The following NRBF2 variants were observed in gnomAD, a reference collection of about 807,000 sequenced individuals.
NRBF2 encodes nuclear receptor binding factor 2, also known as nuclear receptor-binding factor 2.
NRBF2 carries 12 observed loss-of-function variants against 28.5 expected under a neutral mutation model. That is an observed-to-expected ratio of 0.42 (90% CI 0.27 to 0.68). The LOEUF is 0.68. NRBF2 is among the 30% of genes least tolerant of loss of function. The pLI, the probability that NRBF2 is intolerant of heterozygous loss-of-function variation, is 0.24. For missense variants in NRBF2, 274 were observed against 333.5 expected (o/e 0.82, Z 1.39); for synonymous variants, 102 against 116.5 (o/e 0.88, Z 0.80).
At chr10:63,145,101 CT>C (rs34823556) in intron 1 of NRBF2, among the ~76,000 whole-genome samples, 4,265 of 85,896 alleles carry the variant, frequency 0.05, 61 homozygotes, top group African/African-American at 0.18. Flanking sequence ...TATATTAAAG[CT>C]TTTTTTTTTT....
chr10:63,143,832 A>C (rs946635818), intron 1 of NRBF2, among the ~76,000 whole-genome samples: 1 of 148,012 alleles, frequency 6.8e-6, no homozygotes, highest in Admixed American at 6.9e-5. Context: ...AGGTCACTGC[A>C]GCCTCCATTA....
intron 2 of NRBF2, among the ~76,000 whole-genome samples, chr10:63,150,089 C>T (rs1239433646): frequency 6.6e-6 from 1 of 151,520 alleles, no homozygotes; most frequent in South Asian, 2.1e-4. Flanking sequence ...TTACAGGTGC[C>T]TGCCACCACG....
intron 3 of NRBF2, 26 bp from the exon 4 acceptor site, chr10:63,153,485 A>G (rs1841680790): frequency 1.3e-6 from 2 of 1,534,922 alleles, no homozygotes; most frequent in Non-Finnish European, 1.8e-6. Context: ...TATTCTTCCA[A>G]TTTTATCTTT....
chr10:63,136,992 T>C (rs1211226651), intron 1 of NRBF2, among the ~76,000 whole-genome samples: 1 of 152,236 alleles, frequency 6.6e-6, no homozygotes, highest in Non-Finnish European at 1.5e-5. Flanking sequence ...CTTTGCACTC[T>C]GAATAACTTT....
rs370378643 is a variant in NRBF2 at position 63,133,427 on chromosome 10, C to T, written c.-44C>T. On this transcript the variant is annotated 5_prime_UTR_variant, in exon 1 of 4. Transcript: ENST00000277746. ...TTGCAGTCCCCTCCATGTTCCCCGG[C>T]GCCACTACTCCCCTTCCTAAGGCCG... The T allele has an allele frequency of 1.2e-6, 2 of 1,609,546 alleles. No individual in the cohort carries two copies. Among genetic ancestry groups the T allele is most frequent in the Admixed American group, 1.7e-5 (1 of 59,606 alleles).
intron 1 of NRBF2, among the ~76,000 whole-genome samples, chr10:63,144,169 T>C (rs1841522829): frequency 6.6e-6 from 1 of 152,166 alleles, no homozygotes; most frequent in Non-Finnish European, 1.5e-5. Flanking sequence ...GTGCAACAAA[T>C]GTCCAGAATT....
chr10:63,137,268 C>A lies in NRBF2; in HGVS notation c.30+3768C>A, dbSNP rs548111536. ...GGGATTACAGGCATGTGCCACTGTG[C>A]CCAGCCTGTCAGTTTTAAATATGGA... On this transcript the variant is annotated intron_variant, in intron 1 of 3. Transcript: ENST00000277746. 3.3e-5 allele frequency among the ~76,000 whole-genome samples: 5 copies of A among 152,308 alleles called. No individual in the cohort carries two copies. In the East Asian group the frequency reaches 9.6e-4, roughly 29 times the overall value.
intron 1 of NRBF2, among the ~76,000 whole-genome samples, chr10:63,138,278 A>C (rs144277321): frequency 1.3e-4 from 20 of 151,980 alleles, no homozygotes; most frequent in African/African-American, 4.6e-4. Context: ...ACGCCCTTGC[A>C]CTCCAGCCTG....
intron 2 of NRBF2, chr10:63,150,275 C>A: frequency 1.7e-6 from 1 of 597,720 alleles, no homozygotes; most frequent in Non-Finnish European, 2.1e-6. Context: ...TAAACATGAA[C>A]AAAAGGAAAA....
At chr10:63,148,030 A>T (rs1356655397) in intron 2 of NRBF2, among the ~76,000 whole-genome samples, 1 of 152,198 alleles carries the variant, frequency 6.6e-6, no homozygotes, top group Admixed American at 6.5e-5. Flanking sequence ...TTTTATATGG[A>T]TTCCCTAGTG....
intron 1 of NRBF2, among the ~76,000 whole-genome samples, chr10:63,140,976 G>A (rs574564130): frequency 1.3e-5 from 2 of 152,284 alleles, no homozygotes; most frequent in Admixed American, 1.3e-4. Context: ...TGGGATTATA[G>A]ACGTGAGCCT....
intron 1 of NRBF2, among the ~76,000 whole-genome samples, chr10:63,136,397 A>G (rs1822085619): frequency 6.6e-6 from 1 of 152,170 alleles, no homozygotes; most frequent in Non-Finnish European, 1.5e-5. Context: ...TGTCTTTGAA[A>G]ATTCCACTAG....
chr10:63,153,476 ATT>A (rs1289921713), intron 3 of NRBF2, 33 bp from the exon 4 acceptor site: 1 of 1,489,212 alleles, frequency 6.7e-7, no homozygotes. Context: ...TACTTAAAAT[ATT>A]CTTCCAATTT....
chr10:63,144,617 C>G (rs1258988938), intron 1 of NRBF2, among the ~76,000 whole-genome samples: 1 of 151,944 alleles, frequency 6.6e-6, no homozygotes, highest in Non-Finnish European at 1.5e-5. Flanking sequence ...GGGGTTTCAC[C>G]GTGTTAGCCA....
chr10:63,144,599 G>A (rs554199258), intron 1 of NRBF2, among the ~76,000 whole-genome samples: 2 of 152,090 alleles, frequency 1.3e-5, no homozygotes, highest in South Asian at 4.1e-4. Context: ...TGTATTTTTA[G>A]TAGAGACGGG....
intron 2 of NRBF2, among the ~76,000 whole-genome samples, chr10:63,151,706 G>T (rs1366454908): frequency 6.6e-6 from 1 of 152,176 alleles, no homozygotes; most frequent in African/African-American, 2.4e-5. Context: ...AAGGCTGATG[G>T]TTTAACTCAG....
chr10:63,141,455 A>AT (rs1841465607), intron 1 of NRBF2, among the ~76,000 whole-genome samples: 1 of 152,104 alleles, frequency 6.6e-6, no homozygotes, highest in South Asian at 2.1e-4. Flanking sequence ...TAAGATGAAA[A>AT]TTTTTTTAAA....
chr10:63,135,135 C>T (rs1841355149), intron 1 of NRBF2, among the ~76,000 whole-genome samples: 2 of 152,100 alleles, frequency 1.3e-5, no homozygotes, highest in African/African-American at 4.8e-5. Flanking sequence ...TGCAGTGGGC[C>T]GAGATTGTGC....
At chr10:63,139,136 T>C (rs1367260664) in intron 1 of NRBF2, among the ~76,000 whole-genome samples, 1 of 152,118 alleles carries the variant, frequency 6.6e-6, no homozygotes, top group Non-Finnish European at 1.5e-5. Context: ...CAGCCTTCCT[T>C]GTAGCTGGGA....
Sources: gnomAD v4.1 joint callset for allele counts (sites outside exome capture counted in the v4.1 genomes callset) on GRCh38, gnomAD v4.1.1 for gene constraint, MANE v1.5 for transcripts, NCBI Gene and HGNC (gene_info 2026-07-23, HGNC 2026-07-21) for gene names.